Variants in EDIL3 observed in about 807,000 individuals in gnomAD.
EDIL3 encodes EGF-like repeat and discoidin I-like domain-containing protein 3.
Under a neutral mutation model 67.4 loss-of-function variants are expected in EDIL3, and 37 were observed. That is an observed-to-expected ratio of 0.55 (90% CI 0.42 to 0.72). The LOEUF is 0.72. EDIL3 is among the 30% of genes least tolerant of loss of function. The probability of loss-of-function intolerance (pLI) is 0.00; values close to 1 mark genes in which losing one functional copy is unlikely to be tolerated. For missense variants in EDIL3, 527 were observed against 586.3 expected (o/e 0.90, Z 1.04); for synonymous variants, 195 against 196.3 (o/e 0.99, Z 0.05).
intron 1 of EDIL3, among the ~76,000 whole-genome samples, chr5:84,329,643 T>G (rs573108499): frequency 6.6e-6 from 1 of 152,272 alleles, no homozygotes; most frequent in Admixed American, 6.5e-5. Context: ...ATTAATAAGT[T>G]ACTATTGGTA....
intron 1 of EDIL3, among the ~76,000 whole-genome samples, chr5:84,318,891 T>C (rs532523947): frequency 6.6e-6 from 1 of 151,928 alleles, no homozygotes; most frequent in Non-Finnish European, 1.5e-5. Context: ...TGGGAGAAAA[T>C]TTTTGTAATC....
At position 84,152,966 on chromosome 5, in the gene EDIL3, T is replaced by C. The variant is rs1434464430; in HGVS notation, c.356-15612A>G. On this transcript the variant is annotated intron_variant, in intron 4 of 10. Coordinates refer to ENST00000296591, the MANE Select transcript of EDIL3 (RefSeq NM_005711.5). The stretch of plus-strand genomic sequence containing the variant: ...ACTAATATACTATACTAAATTCATA[T>C]GTTATGAAAATACAGAGGTTACTGT... Among the ~76,000 whole-genome samples the C allele has an allele frequency of 3.3e-5, 5 of 152,216 alleles. 1 individual carries two copies. The highest frequency in any genetic ancestry group is 4.1e-4 in the South Asian group (2 of 4,838).
intron 4 of EDIL3, among the ~76,000 whole-genome samples, chr5:84,172,752 C>T (rs185546475): frequency 2.0e-4 from 30 of 152,304 alleles, no homozygotes; most frequent in African/African-American, 6.7e-4. Context: ...ATAGCAATAA[C>T]TTAAGCATAC....
chr5:84,205,775 T>C (rs1193044741), intron 3 of EDIL3, among the ~76,000 whole-genome samples: 2 of 152,206 alleles, frequency 1.3e-5, no homozygotes, highest in Non-Finnish European at 2.9e-5. Context: ...TTATCATTTT[T>C]TATTGCGTCA....
chr5:84,357,887 C>CAAAAA (rs140686250), intron 1 of EDIL3, among the ~76,000 whole-genome samples: 2 of 79,238 alleles, frequency 2.5e-5, no homozygotes, highest in African/African-American at 5.0e-5. Context: ...GACTCAGTCT[C>CAAAAA]AAAAAAAAAA....
chr5:84,123,166 T>G (rs1362274217), intron 5 of EDIL3, among the ~76,000 whole-genome samples: 1 of 151,984 alleles, frequency 6.6e-6, no homozygotes, highest in Non-Finnish European at 1.5e-5. Context: ...GGATAAATTG[T>G]GGAGGCAATT....
chr5:84,160,389 T>G (rs184883512), intron 4 of EDIL3, among the ~76,000 whole-genome samples: 11 of 152,236 alleles, frequency 7.2e-5, no homozygotes. Flanking sequence ...ACCTATTTGT[T>G]TTTAAGCATA....
intron 4 of EDIL3, among the ~76,000 whole-genome samples, chr5:84,175,640 A>C (rs576117844): frequency 6.6e-6 from 1 of 152,310 alleles, no homozygotes; most frequent in Non-Finnish European, 1.5e-5. Flanking sequence ...TTAGGCACAG[A>C]TCCATTAAAT....
At chr5:83,962,946 TTAGA>T (rs550243979) in intron 10 of EDIL3, among the ~76,000 whole-genome samples, 99 of 151,832 alleles carry the variant, frequency 6.5e-4, no homozygotes, top group Non-Finnish European at 1.1e-3. Flanking sequence ...TAGGTGAATC[TTAGA>T]TAGTCAGATC....
chr5:84,379,764 T>A (rs1748037867), intron 1 of EDIL3, among the ~76,000 whole-genome samples: 2 of 152,098 alleles, frequency 1.3e-5, no homozygotes, highest in Admixed American at 1.3e-4. Flanking sequence ...TACAATGCCC[T>A]CTTTTTTTCT....
At chr5:84,076,184 C>T (rs1746854054) in intron 6 of EDIL3, among the ~76,000 whole-genome samples, 1 of 151,878 alleles carries the variant, frequency 6.6e-6, no homozygotes, top group Non-Finnish European at 1.5e-5. Context: ...GACAGGTTCT[C>T]ATATTTGTTT....
At chr5:84,303,520 T>G (rs572669941) in intron 1 of EDIL3, among the ~76,000 whole-genome samples, 30 of 152,342 alleles carry the variant, frequency 2.0e-4, no homozygotes, top group Admixed American at 3.3e-4. Context: ...CATGGATTAG[T>G]CATTTACATG....
Position 84,384,378 on chromosome 5 carries a change from C to T in EDIL3, c.-4G>A. On this transcript the variant is annotated 5_prime_UTR_variant, in exon 1 of 11. Coordinates refer to ENST00000296591, the MANE Select transcript of EDIL3 (RefSeq NM_005711.5). The stretch of plus-strand genomic sequence containing the variant: ...AGACGGCTACCGAGCGCTTCATGAT[C>T]CCGTCTCCCGGACGTGACCCCGGCT... 6.2e-7 allele frequency: 1 copy of T among 1,612,398 alleles called. No homozygotes were observed. The highest frequency in any genetic ancestry group is 1.7e-5 in the Admixed American group (1 of 59,784).
rs1353024430 is a variant in EDIL3 at position 84,384,719 on chromosome 5, G to A, written c.-345C>T. On this transcript the variant is annotated 5_prime_UTR_variant, in exon 1 of 11. Transcript: ENST00000296591. ...CCGCCCCGGGTCTGCTGCGCGGGCA[G>A]GCAGACCCACCGGCAGACAGGCGGA... is the stretch of plus-strand genomic sequence containing the variant. The A allele has an allele frequency of 6.3e-6, 1 of 159,936 alleles. No homozygotes were observed. The highest frequency in any genetic ancestry group is 2.4e-5 in the African/African-American group (1 of 41,702). The allele number at this position is 159,936 out of a possible 1,614,324, so 9.9% of individuals were successfully genotyped here. A position where few individuals can be genotyped will look rare whatever the true frequency, so the allele number is the denominator to read the frequency against.
intron 9 of EDIL3, among the ~76,000 whole-genome samples, chr5:84,039,109 T>TG (rs1554064838): frequency 7.0e-5 from 7 of 100,652 alleles, no homozygotes; most frequent in Non-Finnish European, 1.0e-4. Context: ...AAAGACTGTG[T>TG]TTTTTTTTTT....
intron 9 of EDIL3, among the ~76,000 whole-genome samples, chr5:84,056,637 TA>T (rs1416887736): frequency 6.6e-6 from 1 of 152,074 alleles, no homozygotes; most frequent in East Asian, 1.9e-4. Context: ...AAAAACCTAT[TA>T]AACAGAAATA....
At chr5:84,222,343 T>C (rs967018982) in intron 3 of EDIL3, among the ~76,000 whole-genome samples, 2 of 151,928 alleles carry the variant, frequency 1.3e-5, no homozygotes, top group Non-Finnish European at 1.5e-5. Flanking sequence ...TTTTCTTAGG[T>C]GTACTTCTTC....
In EDIL3 at chr5:84,059,102, A is replaced by G. The variant is rs150135313; in HGVS notation, c.1137+1198T>C. On this transcript the variant is annotated intron_variant, in intron 9 of 10. Transcript: ENST00000296591. ...TAAGAAAAAGTAAGGCCAACTGAAG[A>G]AAAAACTGAAAAAAGAAGCCTGATG... Among the ~76,000 whole-genome samples the G allele has an allele frequency of 9.5e-3, 1,445 of 152,182 alleles. 25 individuals carry two copies. Among genetic ancestry groups the G allele is most frequent in the African/African-American group, 0.032 (1,346 of 41,546 alleles).
chr5:84,253,557 T>G (rs1332711730), intron 2 of EDIL3, among the ~76,000 whole-genome samples: 2 of 152,308 alleles, frequency 1.3e-5, no homozygotes, highest in South Asian at 2.1e-4. Context: ...GACACATTAA[T>G]TTTTGCAGAG....
Sources: gnomAD v4.1 joint callset for allele counts (sites outside exome capture counted in the v4.1 genomes callset) on GRCh38, gnomAD v4.1.1 for gene constraint, MANE v1.5 for transcripts, NCBI Gene and HGNC (gene_info 2026-07-23, HGNC 2026-07-21) for gene names.